The following ACTN4 variants were observed in gnomAD, a reference collection of about 807,000 sequenced individuals.
ACTN4 encodes alpha-actinin-4.
In ACTN4, 18 loss-of-function variants were observed where a neutral mutation model predicts 114.2. That is an observed-to-expected ratio of 0.16 (90% CI 0.11 to 0.23). ACTN4 has a LOEUF of 0.23. Among genes scored for constraint, ACTN4 ranks in the 10% least tolerant of loss-of-function variants. The pLI is 1.00. For missense variants in ACTN4, 722 were observed against 1,262.9 expected (o/e 0.57, Z 6.49); for synonymous variants, 515 against 506.3 (o/e 1.02, Z -0.23).
intron 1 of ACTN4, among the ~76,000 whole-genome samples, chr19:38,671,521 G>C (rs1169323061): frequency 2.0e-5 from 3 of 152,196 alleles, no homozygotes; most frequent in Non-Finnish European, 4.4e-5. Context: ...TGGCAGTCCA[G>C]GTTTTGTGAC....
chr19:38,719,669 C>G (rs1284805501), intron 11 of ACTN4, among the ~76,000 whole-genome samples: 1 of 152,264 alleles, frequency 6.6e-6, no homozygotes, highest in Non-Finnish European at 1.5e-5. Context: ...CTCATTCGTT[C>G]AACAGACAGC....
At chr19:38,691,123 A>G (rs1967909800) in intron 1 of ACTN4, among the ~76,000 whole-genome samples, 2 of 152,224 alleles carry the variant, frequency 1.3e-5, no homozygotes, top group Admixed American at 1.3e-4. Context: ...GAGTAAAACA[A>G]TGCAGTGTGA....
intron 8 of ACTN4, among the ~76,000 whole-genome samples, chr19:38,713,420 T>G (rs1237033134): frequency 6.6e-6 from 1 of 152,182 alleles, no homozygotes; most frequent in African/African-American, 2.4e-5. Flanking sequence ...CCCCACAAGC[T>G]GCAGCCCTGG....
At position 38,731,380 on chromosome 19, in the gene ACTN4, A is replaced by G. The variant is rs1969594652; in HGVS notation, c.*1948A>G. On this transcript the variant is annotated 3_prime_UTR_variant, in exon 21 of 21. Transcript: ENST00000252699. ...GGGTGAGTACAGGCTGATCCCTTCA[A>G]TCCTCTGGGCCTGTTTCCTCATCCA... is the stretch of plus-strand genomic sequence containing the variant. The G allele has an allele frequency of 1.6e-6, 1 of 642,866 alleles. No individual in the cohort carries two copies. Among genetic ancestry groups the G allele is most frequent in the South Asian group, 1.7e-5 (1 of 57,534 alleles). 39.8% of individuals were successfully genotyped at this position (642,866 alleles called of 1,614,324 possible). A position where few individuals can be genotyped will look rare whatever the true frequency, so the allele number is the denominator to read the frequency against.
intron 1 of ACTN4, among the ~76,000 whole-genome samples, chr19:38,691,419 A>AC (rs35927230): frequency 0.053 from 7,958 of 150,096 alleles, 257 homozygotes; most frequent in South Asian, 0.09. Context: ...AAAAAACAAA[A>AC]AAAACAAAAA....
chr19:38,701,180 G>A (rs1968263501), intron 3 of ACTN4, 59 bp downstream of exon 3: 3 of 1,609,760 alleles, frequency 1.9e-6, no homozygotes, highest in Non-Finnish European at 8.5e-7. Flanking sequence ...AGGCTCTGAA[G>A]CACAACATCT....
intron 1 of ACTN4, among the ~76,000 whole-genome samples, chr19:38,665,110 G>C (rs140443710): frequency 4.3e-4 from 66 of 152,254 alleles, no homozygotes; most frequent in African/African-American, 7.7e-4. Context: ...ACCCCGGGAG[G>C]GGGTGTTGAG....
intron 1 of ACTN4, among the ~76,000 whole-genome samples, chr19:38,676,884 C>T (rs1246251021): frequency 6.6e-6 from 1 of 152,158 alleles, no homozygotes; most frequent in Admixed American, 6.5e-5. Flanking sequence ...CCCATCTATT[C>T]TTCACATAGG....
chr19:38,726,364 A>T (rs1244290496), intron 17 of ACTN4, among the ~76,000 whole-genome samples: 2 of 151,988 alleles, frequency 1.3e-5, no homozygotes, highest in Admixed American at 6.6e-5. Context: ...TTTCCCTAGC[A>T]CTGCTCTCAT....
rs1307627747 is a variant in ACTN4 at position 38,700,631 on chromosome 19, G to A, written c.194G>A (p.Arg65Gln). 4 of 1,614,144 alleles carry A rather than the reference G, an allele frequency of 2.5e-6. No individual in the cohort carries two copies. Among genetic ancestry groups the A allele is most frequent in the East Asian group, 2.2e-5 (1 of 44,890 alleles). ...TFTAWCNSHL[R>Q]KAGTQIENID... Reference sequence around the variant, plus strand: ...ACGGCATGGTGCAACTCCCACCTGCGGAAGGCAGGCACACAGATCGAGAAC... The same window carrying A: ...ACGGCATGGTGCAACTCCCACCTGCAGAAGGCAGGCACACAGATCGAGAAC... Residue 65 changes from arginine to glutamine, a missense_variant, in exon 2 of 21, where the codon CGG (arginine) becomes CAG (glutamine). By Grantham distance (43) the Arg-to-Gln change is conservative. Transcript: ENST00000252699.
chr19:38,662,518 A>G (rs1014503864), intron 1 of ACTN4, among the ~76,000 whole-genome samples: 5 of 152,228 alleles, frequency 3.3e-5, no homozygotes, highest in African/African-American at 1.2e-4. Context: ...CAGCATAGCC[A>G]TGTGAACTTG....
chr19:38,657,333 G>A (rs1976741869), intron 1 of ACTN4, among the ~76,000 whole-genome samples: 1 of 152,108 alleles, frequency 6.6e-6, no homozygotes, highest in Non-Finnish European at 1.5e-5. Context: ...AGTAGAGACA[G>A]GGTTTCACCA....
rs376104611 is a variant in ACTN4, at chr19:38,731,026, G to A, written c.*1594G>A. On this transcript the variant is annotated 3_prime_UTR_variant, in exon 21 of 21. Transcript: ENST00000252699. Reference sequence around the variant, plus strand: ...ATCCAGGTGCTGGCTGCAGTGGCCTGTGCAGAGAGGGGCAGGGTGAGTGCC... The same window carrying A: ...ATCCAGGTGCTGGCTGCAGTGGCCTATGCAGAGAGGGGCAGGGTGAGTGCC... 4.4e-5 allele frequency: 69 copies of A among 1,554,902 alleles called. No homozygotes were observed. The highest frequency in any genetic ancestry group is 5.9e-5 in the Non-Finnish European group (68 of 1,149,666).
chr19:38,656,610 G>A (rs796100731), intron 1 of ACTN4, among the ~76,000 whole-genome samples: 2 of 152,308 alleles, frequency 1.3e-5, no homozygotes, highest in African/African-American at 4.8e-5. Context: ...AGTTGGAAGC[G>A]GCAGTTACTA....
At chr19:38,690,213 GCA>G (rs1967878652) in intron 1 of ACTN4, among the ~76,000 whole-genome samples, 1 of 152,156 alleles carries the variant, frequency 6.6e-6, no homozygotes. Context: ...TCTTGCAACT[GCA>G]CACTCTTCTG....
intron 1 of ACTN4, among the ~76,000 whole-genome samples, chr19:38,654,576 AAG>A (rs1488647392): frequency 2.0e-5 from 3 of 151,514 alleles, no homozygotes; most frequent in African/African-American, 4.8e-5. Flanking sequence ...AAAAAAAAAA[AAG>A]AAAAAGAAAA....
At position 38,727,943 on chromosome 19, in the gene ACTN4, C is replaced by T. The variant is rs1377171666; in HGVS notation, c.2338-3C>T. 9 of 1,612,598 alleles carry T rather than the reference C, an allele frequency of 5.6e-6. No homozygotes were observed. Among genetic ancestry groups the T allele is most frequent in the African/African-American group, 2.7e-5 (2 of 74,908 alleles). ...CACACCTGCCTTCGGATGGCCCCGGCAGGATCATGGCGGGGCGCTGGGGCC... is the reference window on the plus strand; with the variant it reads ...CACACCTGCCTTCGGATGGCCCCGGTAGGATCATGGCGGGGCGCTGGGGCC... On this transcript the variant is annotated splice_polypyrimidine_tract_variant and splice_region_variant and intron_variant, in intron 18 of 20. Transcript: ENST00000252699. The surrounding 1 kb of genome is among the most constrained non-coding windows in gnomAD (Gnocchi z 5.4).
At chr19:38,723,004 T>C (rs1377424530) in intron 12 of ACTN4, among the ~76,000 whole-genome samples, 1 of 152,168 alleles carries the variant, frequency 6.6e-6, no homozygotes, top group Non-Finnish European at 1.5e-5. Flanking sequence ...GAGCACTGAT[T>C]AATGGCGATA....
Position 38,730,772 on chromosome 19 carries a change from A to T in ACTN4, c.*1340A>T, listed in dbSNP as rs1969522840. On this transcript the variant is annotated 3_prime_UTR_variant, in exon 21 of 21. Transcript: ENST00000252699. ...ACAGGTGGATGCCAGAGAGAGTGGC[A>T]CCCATGCCAGGCAAGGCCTAGGGAG... 1 of 1,516,212 alleles carries T rather than the reference A, an allele frequency of 6.6e-7. No homozygotes were observed. The allele number at this position is 1,516,212 out of a possible 1,614,324, so 93.9% of individuals were successfully genotyped here. A position where few individuals can be genotyped will look rare whatever the true frequency, so the allele number is the denominator to read the frequency against.
Sources: allele counts gnomAD v4.1 joint callset (sites outside exome capture counted in the v4.1 genomes callset), GRCh38; gene constraint gnomAD v4.1.1; non-coding constraint Gnocchi (gnomAD v3.1); transcripts MANE v1.5; gene names NCBI Gene and HGNC (gene_info 2026-07-23, HGNC 2026-07-21).